CDCA5: variants seen among roughly 807,000 people sequenced by gnomAD.
CDCA5 encodes sororin.
In CDCA5, 14 loss-of-function variants were observed where a neutral mutation model predicts 25.7. That is an observed-to-expected ratio of 0.54 (90% CI 0.36 to 0.85). CDCA5 has a LOEUF of 0.85. CDCA5 is among the 40% of genes least tolerant of loss of function. The pLI, the probability that CDCA5 is intolerant of heterozygous loss-of-function variation, is 0.01. For synonymous variants in CDCA5, 127 were observed against 128.7 expected (o/e 0.99, Z 0.09); for missense variants, 307 against 324.5 (o/e 0.95, Z 0.41).
At position 65,079,536 on chromosome 11, in the gene CDCA5, G is replaced by A. The variant is rs1227865093; in HGVS notation, c.495C>T (p.Cys165=). 1 of 1,614,176 alleles carries A rather than the reference G, an allele frequency of 6.2e-7. No homozygotes were observed. Among genetic ancestry groups the A allele is most frequent in the Non-Finnish European group, 8.5e-7 (1 of 1,180,026 alleles). ...ASTSTPGRRS[C]FGFEGLLGAE... is the part of the protein sequence containing the mutation. ...CCCCCAGCAGCCCCTCGAAGCCAAA[G>A]CAGGACCGGCGGCCTGGGGTGGAGG... The change falls in exon 5 of 6, where the codon TGC becomes TGT. Residue 165 remains cysteine, a synonymous_variant. Coordinates refer to ENST00000275517, the MANE Select transcript of CDCA5 (RefSeq NM_080668.4).
intron 4 of CDCA5, chr11:65,067,541 G>C (rs1947262285): frequency 2.2e-6 from 1 of 458,430 alleles, no homozygotes; most frequent in African/African-American, 2.0e-5. Flanking sequence ...TAAAGGTGGG[G>C]GTTCCTGAAT....
At chr11:65,062,185 G>A (rs1163058805), downstream of CDCA5, among the ~76,000 whole-genome samples, 1 of 152,178 alleles carries the variant, frequency 6.6e-6, no homozygotes, top group Non-Finnish European at 1.5e-5. Context: ...CTCCCAAAGT[G>A]CTGGGATTAC....
chr11:65,061,549 C>T (rs137907930), downstream of CDCA5, among the ~76,000 whole-genome samples: 42 of 152,132 alleles, frequency 2.8e-4, no homozygotes, highest in African/African-American at 7.5e-4. Flanking sequence ...CGGAGACGTG[C>T]GGATCATGAG....
At chr11:65,072,817 C>T (rs1947365025), downstream of CDCA5, among the ~76,000 whole-genome samples, 1 of 151,868 alleles carries the variant, frequency 6.6e-6, no homozygotes, top group Admixed American at 6.6e-5. Context: ...CTTGAAGGTG[C>T]TATGATGGAG....
At chr11:65,070,213 T>A (rs906324284) in intron 1 of CDCA5, among the ~76,000 whole-genome samples, 3 of 152,212 alleles carry the variant, frequency 2.0e-5, no homozygotes, top group Admixed American at 1.3e-4. Flanking sequence ...TTGGCCATAG[T>A]TCAGAGGGTG....
chr11:65,062,269 GT>G (rs920617955), downstream of CDCA5, among the ~76,000 whole-genome samples: 5 of 152,154 alleles, frequency 3.3e-5, no homozygotes, highest in East Asian at 9.7e-4. Flanking sequence ...GTCCCCTCTA[GT>G]TTTTTTCTCT....
downstream of CDCA5, among the ~76,000 whole-genome samples, chr11:65,065,959 C>A (rs879863128): frequency 6.6e-6 from 1 of 152,146 alleles, no homozygotes; most frequent in African/African-American, 2.4e-5. Flanking sequence ...ATCCCTCCCC[C>A]GCCTACACCC....
At chr11:65,066,660 C>T in exon 6 of CDCA5, 3 of 1,289,150 alleles carry the variant, frequency 2.3e-6, no homozygotes, top group Non-Finnish European at 3.0e-6. Context: ...CTCCTTCAGG[C>T]TCTTATACAA....
chr11:65,077,798 G>A lies in CDCA5; in HGVS notation c.*1309C>T, dbSNP rs1164112650. The A allele has an allele frequency of 1.8e-5, 18 of 985,546 alleles. No homozygotes were observed. The highest frequency in any genetic ancestry group is 1.1e-4 in the East Asian group (1 of 8,818). The allele number at this position is 985,546 out of a possible 1,614,324, so 61.1% of individuals were successfully genotyped here. ...TATTAGGGCCCGCCTGGCCTGCACC[G>A]TTTCATCCAAGTACCCTGACCCAGC... On this transcript the variant is annotated 3_prime_UTR_variant, in exon 6 of 6. Transcript: ENST00000275517.
rs1357564010 is a variant in CDCA5, at chr11:65,083,767, C to T, written c.47-44G>A. The T allele has an allele frequency of 1.5e-5, 23 of 1,572,742 alleles. No individual in the cohort carries two copies. The East Asian group carries it at 2.5e-4, about 17-fold the overall frequency. ...TAAGTGGTAGAGGAGGACTCTAGACCTTAGAGTCCAGAGAACAGGTTCTAG... is the reference window on the plus strand; with the variant it reads ...TAAGTGGTAGAGGAGGACTCTAGACTTTAGAGTCCAGAGAACAGGTTCTAG... On this transcript the variant is annotated intron_variant, in intron 1 of 5. Coordinates refer to ENST00000275517, the MANE Select transcript of CDCA5 (RefSeq NM_080668.4).
At chr11:65,066,460 G>C (rs760673033) in exon 7 of CDCA5, 6 of 1,284,436 alleles carry the variant, frequency 4.7e-6, no homozygotes, top group African/African-American at 1.5e-5. Flanking sequence ...CCTGCCTTCC[G>C]GGGGTTTGGG....
At chr11:65,083,591 G>GGGCC (rs753637374) in intron 2 of CDCA5, 38 bp downstream of exon 2, 28 of 1,614,056 alleles carry the variant, frequency 1.7e-5, no homozygotes, top group Non-Finnish European at 2.3e-5. Context: ...ATTAGGTGAG[G>GGGCC]GGCCACAAGG....
chr11:65,068,003 T>G, intron 3 of CDCA5: 1 of 1,278,824 alleles, frequency 7.8e-7, no homozygotes, highest in African/African-American at 1.5e-5. Context: ...TCTCTCTCTC[T>G]CTCTCTCTCT....
At chr11:65,083,754 G>A (rs1229022469) in intron 1 of CDCA5, 31 bp from the exon 2 acceptor site, 11 of 1,593,190 alleles carry the variant, frequency 6.9e-6, no homozygotes, top group Non-Finnish European at 9.4e-6. Context: ...AGTGGTAGAG[G>A]AGGACTCTAG....
At chr11:65,066,610 C>G (rs1947242775) in exon 6 of CDCA5, 2 of 1,288,658 alleles carry the variant, frequency 1.6e-6, no homozygotes, top group African/African-American at 1.5e-5. Flanking sequence ...TTCACTTCAT[C>G]CTGGATGGCC....
At chr11:65,067,772 G>A (rs1300959479) in intron 3 of CDCA5, 13 of 1,267,110 alleles carry the variant, frequency 1.0e-5, no homozygotes, top group Non-Finnish European at 1.3e-5. Flanking sequence ...AGTGGGTAGT[G>A]AAGGTCAGGC....
In CDCA5 at chr11:65,079,709, C is replaced by T. The variant is rs764770497; in HGVS notation, c.322G>A (p.Val108Ile). 9.6e-6 allele frequency: 15 copies of T among 1,555,480 alleles called. No individual in the cohort carries two copies. In the East Asian group the frequency reaches 1.6e-4, roughly 17 times the overall value. Reference protein sequence around the residue: ...TKEDLFKTHSVPATPTSTPVP... With the variant: ...TKEDLFKTHSIPATPTSTPVP... ...GGAGTGCTGGTGGGGGTGGCAGGGA[C>T]GCTGTGTGTCTTGAAAAGGTCCTCC... is the stretch of plus-strand genomic sequence containing the variant. The change falls in exon 5 of 6, where the codon GTC becomes ATC. Residue 108 changes from valine (V) to isoleucine (I), a missense_variant. By Grantham distance (29) the Val-to-Ile change is conservative. Coordinates refer to ENST00000275517, the MANE Select transcript of CDCA5 (RefSeq NM_080668.4).
At chr11:65,068,499 G>A (rs540402904) in exon 2 of CDCA5, 22 of 1,288,876 alleles carry the variant, frequency 1.7e-5, no homozygotes, top group East Asian at 5.6e-5. Flanking sequence ...TCCAAGTTCC[G>A]CTCCTCGGAA....
At chr11:65,081,427 C>CAA (rs528998200) in intron 4 of CDCA5, among the ~76,000 whole-genome samples, 4 of 134,854 alleles carry the variant, frequency 3.0e-5, no homozygotes. Context: ...GACTCCATCT[C>CAA]AAAAAAAAAA....
Sources: allele counts gnomAD v4.1 joint callset (sites outside exome capture counted in the v4.1 genomes callset), GRCh38; gene constraint gnomAD v4.1.1; transcripts MANE v1.5; gene names NCBI Gene and HGNC (gene_info 2026-07-23, HGNC 2026-07-21).